ZFHX3: variants seen among roughly 807,000 people sequenced by gnomAD.
ZFHX3 encodes the protein zinc finger homeobox 3.
Under a neutral mutation model 279.1 loss-of-function variants are expected in ZFHX3, and 42 were observed. That is an observed-to-expected ratio of 0.15 (90% CI 0.12 to 0.19). The LOEUF is 0.19. ZFHX3 is among the 10% of genes least tolerant of loss of function. ZFHX3 has a pLI of 1.00. For missense variants in ZFHX3, 4,981 were observed against 4,754.0 expected (o/e 1.05, Z -1.40); for synonymous variants, 2,293 against 1,957.8 (o/e 1.17, Z -4.52).
At chr16:73,279,113 C>T (rs2014391800) in intron 4 of ZFHX3, among the ~76,000 whole-genome samples, 1 of 152,120 alleles carries the variant, frequency 6.6e-6, no homozygotes, top group Admixed American at 6.5e-5. Flanking sequence ...TGCTAATCAT[C>T]TTAGGGATTT....
At chr16:73,425,738 C>G (rs149293246) in intron 3 of ZFHX3, among the ~76,000 whole-genome samples, 4 of 152,242 alleles carry the variant, frequency 2.6e-5, no homozygotes, top group African/African-American at 9.6e-5. Flanking sequence ...CATAGAGATC[C>G]TGGCACTGTT....
intron 3 of ZFHX3, among the ~76,000 whole-genome samples, chr16:73,365,031 C>T (rs1368761245): frequency 3.9e-5 from 6 of 152,118 alleles, no homozygotes; most frequent in East Asian, 3.9e-4. Context: ...TGCCCTGTGG[C>T]GCCTCTCCCC....
intron 5 of ZFHX3, among the ~76,000 whole-genome samples, chr16:73,207,564 A>G (rs969307187): frequency 6.6e-6 from 1 of 152,210 alleles, no homozygotes; most frequent in African/African-American, 2.4e-5. Context: ...ACTAGAGTAG[A>G]CATTAAGGTT....
intron 1 of ZFHX3, among the ~76,000 whole-genome samples, chr16:73,867,740 T>A (rs1417407859): frequency 6.6e-6 from 1 of 152,220 alleles, no homozygotes; most frequent in Non-Finnish European, 1.5e-5. Flanking sequence ...CTCTGATATC[T>A]GTAGATAATT....
Position 72,829,791 on chromosome 16 carries a change from G to C in ZFHX3, c.3517C>G (p.Gln1173Glu). 6.2e-7 allele frequency: 1 copy of C among 1,614,148 alleles called. No homozygotes were observed. The highest frequency in any genetic ancestry group is 8.5e-7 in the Non-Finnish European group (1 of 1,180,032). The stretch of plus-strand genomic sequence containing the variant: ...TGGTCTTTCTCACCTCCGCCCTCTT[G>C]GTCCTTAGCAAGCTCCTCTGGATCA... ...AADPEELAKD[Q>E]EGGASSSQAE... is the part of the protein sequence containing the mutation. Residue 1173 changes from glutamine (Q) to glutamate (E), a missense_variant, in exon 5 of 10, where the codon CAA (glutamine) becomes GAA (glutamate). Physicochemically the swap from Gln to Glu is conservative, Grantham distance 29 (BLOSUM62 2). Around this residue, in one of 7 missense-constraint regions of ZFHX3, gnomAD observed 1,751 missense variants for 1,770.0 expected, o/e 0.99. Coordinates refer to ENST00000268489, the MANE Select transcript of ZFHX3 (RefSeq NM_006885.4).
chr16:73,464,074 G>T (rs562826931), intron 2 of ZFHX3, among the ~76,000 whole-genome samples: 61 of 152,208 alleles, frequency 4.0e-4, no homozygotes, highest in African/African-American at 1.2e-3. Context: ...GTGTATTTCT[G>T]TATTTTTTTT....
At chr16:73,613,422 T>G (rs945355543) in intron 2 of ZFHX3, among the ~76,000 whole-genome samples, 1 of 147,168 alleles carries the variant, frequency 6.8e-6, no homozygotes, top group African/African-American at 2.4e-5. Flanking sequence ...AAAATCAAAA[T>G]TGTTCTTAGC....
In ZFHX3 at chr16:73,092,792, TGG is replaced by T. The variant is rs57471400; in HGVS notation, c.-533+441_-533+442del. The T allele has an allele frequency of 3.3e-4, 129 of 385,992 alleles. 1 individual carries two copies. The East Asian group carries it at 7.9e-3, about 24-fold the overall frequency. 23.9% of individuals were successfully genotyped at this position (385,992 alleles called of 1,614,324 possible). ...TTCACCCTGCTATTTATGGGTTGCTTGGGGCATCCTGTGCTCTCCACTGCCCT... is the reference window on the plus strand; with the variant it reads ...TTCACCCTGCTATTTATGGGTTGCTTGGCATCCTGTGCTCTCCACTGCCCT... On this transcript the variant is annotated intron_variant, in intron 8 of 17. Coordinates refer to the ZFHX3 transcript ENST00000641206.
chr16:73,359,805 G>T (rs182295321), intron 3 of ZFHX3, among the ~76,000 whole-genome samples: 19 of 152,198 alleles, frequency 1.2e-4, no homozygotes, highest in African/African-American at 4.6e-4. Flanking sequence ...ATTGATTTCC[G>T]CCCTGAGTTG....
intron 1 of ZFHX3, among the ~76,000 whole-genome samples, chr16:73,036,604 G>GA (rs1416184015): frequency 2.6e-5 from 4 of 151,990 alleles, no homozygotes; most frequent in Non-Finnish European, 5.9e-5. Context: ...GGTGGAGGTA[G>GA]AGGGTAGAGG....
intron 5 of ZFHX3, among the ~76,000 whole-genome samples, chr16:73,212,454 A>G (rs1375767570): frequency 6.6e-6 from 1 of 152,220 alleles, no homozygotes; most frequent in Non-Finnish European, 1.5e-5. Context: ...TCATACATCC[A>G]GTTTATCCAT....
At chr16:73,789,690 T>C (rs1265391010) in intron 1 of ZFHX3, among the ~76,000 whole-genome samples, 1 of 152,118 alleles carries the variant, frequency 6.6e-6, no homozygotes, top group African/African-American at 2.4e-5. Flanking sequence ...AATAAATACG[T>C]TGCCAGGCAG....
At chr16:73,751,467 C>G (rs2053761533) in intron 1 of ZFHX3, among the ~76,000 whole-genome samples, 1 of 151,886 alleles carries the variant, frequency 6.6e-6, no homozygotes, top group Non-Finnish European at 1.5e-5. Context: ...CAACATTGTA[C>G]CTGGAAAGAT....
chr16:72,940,790 A>G (rs750054130), intron 3 of ZFHX3, among the ~76,000 whole-genome samples: 11 of 152,266 alleles, frequency 7.2e-5, no homozygotes, highest in Non-Finnish European at 1.5e-4. Context: ...ACTCATTAAC[A>G]GGTTACAAAC....
At chr16:73,855,085 A>G (rs2142383882) in intron 1 of ZFHX3, among the ~76,000 whole-genome samples, 1 of 152,348 alleles carries the variant, frequency 6.6e-6, no homozygotes, top group East Asian at 1.9e-4. Flanking sequence ...AAAAACAATA[A>G]GGACCTTACA....
At chr16:73,636,436 G>A (rs1430713673) in intron 2 of ZFHX3, among the ~76,000 whole-genome samples, 2 of 152,134 alleles carry the variant, frequency 1.3e-5, no homozygotes, top group Admixed American at 6.6e-5. Flanking sequence ...TAACTAGGAT[G>A]TAATGTATAT....
Position 72,795,376 on chromosome 16 carries a change from G to A in ZFHX3, c.7306C>T (p.Pro2436Ser). Residue 2436 changes from proline to serine, a missense_variant, in exon 9 of 10, where the codon CCC becomes TCC. Pro to Ser is a moderately conservative substitution (Grantham distance 74). Transcript: ENST00000268489. ...GDEKPKLAEA[P>S]SAQPNQTQEK... ...TGGGTTTGGTTTGGCTGTGCACTGG[G>A]AGCTTCCGCCAGCTTTGGTTTCTCA... The A allele has an allele frequency of 6.2e-7, 1 of 1,614,126 alleles. No homozygotes were observed. The highest frequency in any genetic ancestry group is 8.5e-7 in the Non-Finnish European group (1 of 1,180,026).
intron 5 of ZFHX3, among the ~76,000 whole-genome samples, chr16:73,205,322 T>C (rs2011758623): frequency 6.6e-6 from 1 of 152,210 alleles, no homozygotes; most frequent in Non-Finnish European, 1.5e-5. Context: ...TAAATTAGTC[T>C]TGCAGAAAGC....
At chr16:73,300,792 C>T (rs1008016152) in intron 4 of ZFHX3, among the ~76,000 whole-genome samples, 5 of 152,214 alleles carry the variant, frequency 3.3e-5, no homozygotes, top group Non-Finnish European at 5.9e-5. Flanking sequence ...GCATGAGCCA[C>T]CATGCCCAGC....
Sources: gnomAD v4.1 joint callset for allele counts (sites outside exome capture counted in the v4.1 genomes callset) on GRCh38, gnomAD v4.1.1 for gene constraint, gnomAD v4.1.1 regional missense constraint, MANE v1.5 for transcripts, NCBI Gene and HGNC (gene_info 2026-07-23, HGNC 2026-07-21) for gene names.